MTREX: variants seen among roughly 807,000 people sequenced by gnomAD.
The protein encoded by MTREX is exosome RNA helicase MTR4.
In MTREX, 76 loss-of-function variants were observed where a neutral mutation model predicts 135.4. The ratio of observed to expected loss-of-function variants is 0.56; its 90% CI spans 0.47 to 0.68. MTREX has a LOEUF of 0.68. MTREX is among the 30% of genes least tolerant of loss of function. MTREX has a pLI of 0.00. For synonymous variants in MTREX, 404 were observed against 401.6 expected (o/e 1.01, Z -0.07); for missense variants, 920 against 1,262.1 (o/e 0.73, Z 4.11).
chr5:55,425,290 T>C lies in MTREX; in HGVS notation c.*518T>C. 2 of 1,610,186 alleles carry C rather than the reference T, an allele frequency of 1.2e-6. No homozygotes were observed. Among genetic ancestry groups the C allele is most frequent in the Non-Finnish European group, 1.7e-6 (2 of 1,176,666 alleles). On this transcript the variant is annotated 3_prime_UTR_variant, in exon 27 of 27. Coordinates refer to ENST00000230640, the MANE Select transcript of MTREX (RefSeq NM_015360.5). ...TATGAGAGTCCTCCTCTTTTCTTTC[T>C]TTAAAAGAAGTTCTTTCTTTGAAGA...
Position 55,424,904 on chromosome 5 carries a change from T to G in MTREX, c.*132T>G. 2 of 679,128 alleles carry G rather than the reference T, an allele frequency of 2.9e-6. No individual in the cohort carries two copies. The highest frequency in any genetic ancestry group is 2.5e-6 in the Non-Finnish European group (1 of 400,592). 42.1% of individuals were successfully genotyped at this position (679,128 alleles called of 1,614,324 possible). Reference sequence around the variant, plus strand: ...TGTATTATATTTAAATCAAACATCATTCATAGAAAGCATATTACATACATG... The same window carrying G: ...TGTATTATATTTAAATCAAACATCAGTCATAGAAAGCATATTACATACATG... On this transcript the variant is annotated 3_prime_UTR_variant, in exon 27 of 27. Coordinates refer to ENST00000230640, the MANE Select transcript of MTREX (RefSeq NM_015360.5).
At chr5:55,412,693 G>C (rs974306788) in intron 23 of MTREX, among the ~76,000 whole-genome samples, 2 of 152,120 alleles carry the variant, frequency 1.3e-5, no homozygotes, top group East Asian at 3.8e-4. Flanking sequence ...ATACCTGGTG[G>C]GAGAACATTG....
chr5:55,391,280 AAAAT>A (rs927835347), intron 19 of MTREX, among the ~76,000 whole-genome samples: 5 of 152,006 alleles, frequency 3.3e-5, no homozygotes, highest in African/African-American at 7.3e-5. Flanking sequence ...TGTCTGTACA[AAAAT>A]AAATAAATAA....
At chr5:55,379,767 G>A (rs1234960458) in intron 18 of MTREX, among the ~76,000 whole-genome samples, 1 of 152,158 alleles carries the variant, frequency 6.6e-6, no homozygotes, top group Non-Finnish European at 1.5e-5. Context: ...GCTAAATACA[G>A]TGGTTTCATG....
chr5:55,326,892 C>A (rs1013431187), intron 3 of MTREX, among the ~76,000 whole-genome samples: 6 of 152,086 alleles, frequency 3.9e-5, no homozygotes, highest in African/African-American at 1.4e-4. Flanking sequence ...TGTTCCCTGC[C>A]CTGTGTCCAT....
intron 18 of MTREX, among the ~76,000 whole-genome samples, chr5:55,386,559 T>G (rs959940243): frequency 1.3e-5 from 2 of 152,164 alleles, no homozygotes; most frequent in African/African-American, 4.8e-5. Context: ...TAGTAACACT[T>G]GAGAATATTT....
intron 23 of MTREX, 140 bp downstream of exon 23, chr5:55,410,769 C>A: frequency 6.4e-6 from 3 of 466,308 alleles, no homozygotes; most frequent in South Asian, 9.6e-5. Context: ...AACTTTAACA[C>A]AAATGTACTA....
At chr5:55,375,261 G>A (rs1750276782) in intron 16 of MTREX, among the ~76,000 whole-genome samples, 1 of 152,174 alleles carries the variant, frequency 6.6e-6, no homozygotes, top group Non-Finnish European at 1.5e-5. Context: ...TATTAGGCAG[G>A]AATTTCCTCT....
chr5:55,339,196 T>C (rs1749603691), intron 5 of MTREX, among the ~76,000 whole-genome samples: 1 of 152,214 alleles, frequency 6.6e-6, no homozygotes, highest in South Asian at 2.1e-4. Context: ...ATGGTCATAC[T>C]TTCCTGTTTG....
intron 14 of MTREX, among the ~76,000 whole-genome samples, chr5:55,355,928 C>G (rs1268713496): frequency 1.3e-5 from 2 of 152,234 alleles, no homozygotes; most frequent in African/African-American, 2.4e-5. Flanking sequence ...ATAGAACACT[C>G]TTCAGCCAGC....
intron 26 of MTREX, chr5:55,424,492 C>A (rs1751115663): frequency 2.3e-6 from 1 of 441,288 alleles, no homozygotes; most frequent in Admixed American, 3.6e-5. Context: ...TCCTGGCCAG[C>A]CCCCATGGAG....
chr5:55,412,581 G>A (rs1239792394), intron 23 of MTREX, among the ~76,000 whole-genome samples: 2 of 152,342 alleles, frequency 1.3e-5, no homozygotes, highest in East Asian at 3.9e-4. Flanking sequence ...GATCACTGGG[G>A]AGATGGTGTT....
intron 24 of MTREX, among the ~76,000 whole-genome samples, 183 bp from the exon 25 acceptor site, chr5:55,415,787 T>C (rs977839100): frequency 4.6e-5 from 7 of 152,156 alleles, no homozygotes. Context: ...ATGGGAAAGA[T>C]TGGCCGTTTA....
At chr5:55,422,459 AG>A (rs930778235) in intron 25 of MTREX, among the ~76,000 whole-genome samples, 1 of 152,148 alleles carries the variant, frequency 6.6e-6, no homozygotes, top group African/African-American at 2.4e-5. Context: ...ATGCCTCACT[AG>A]GCCACACTCA....
At chr5:55,356,546 CAT>C (rs1204646836) in intron 14 of MTREX, 3 of 200,876 alleles carry the variant, frequency 1.5e-5, no homozygotes, top group East Asian at 2.4e-4. Context: ...GCAGTGTAGT[CAT>C]ATGAGCTCCA....
chr5:55,410,663 A>T, intron 23 of MTREX, 34 bp downstream of exon 23: 1 of 1,288,480 alleles, frequency 7.8e-7, no homozygotes, highest in Non-Finnish European at 1.1e-6. Flanking sequence ...CTTATTTATT[A>T]ATTCACACAT....
chr5:55,362,098 T>C (rs1366633538), intron 15 of MTREX, among the ~76,000 whole-genome samples: 1 of 147,968 alleles, frequency 6.8e-6, no homozygotes, highest in Non-Finnish European at 1.5e-5. Context: ...TTTTTTTTTT[T>C]TTTTTTTGTA....
At position 55,322,400 on chromosome 5, in the gene MTREX, G is replaced by T; in HGVS notation, c.208G>T (p.Gly70Cys). 6.2e-7 allele frequency: 1 copy of T among 1,608,888 alleles called. No individual in the cohort carries two copies. Among genetic ancestry groups the T allele is most frequent in the Non-Finnish European group, 8.5e-7 (1 of 1,177,246 alleles). The change falls in exon 2 of 27, where the codon GGT (glycine) becomes TGT (cysteine). Residue 70 changes from glycine to cysteine, a missense_variant. Gly to Cys is a radical substitution (Grantham distance 159, BLOSUM62 -3). This residue lies in a region of MTREX where 136 missense variants were observed against 126.7 expected (regional missense o/e 1.07). Transcript: ENST00000230640. Reference protein sequence around the residue: ...GKNKRDVDFEGTDEPIFGKKP... With the variant: ...GKNKRDVDFECTDEPIFGKKP... The stretch of plus-strand genomic sequence containing the variant: ...AAATAAGAGAGATGTAGATTTCGAA[G>T]GTACAGATGAACCCATTTTTGGAAA...
At position 55,321,104 on chromosome 5, in the gene MTREX, G is replaced by T. The variant is rs188999092; in HGVS notation, c.135-1223G>T. Among the ~76,000 whole-genome samples the T allele has an allele frequency of 2.8e-4, 43 of 152,238 alleles. No homozygotes were observed. In the East Asian group the frequency reaches 8.3e-3, roughly 29 times the overall value. On this transcript the variant is annotated intron_variant, in intron 1 of 26. Transcript: ENST00000230640. ...CATGTTAATATGTAGTGGTTTGACT[G>T]TTGCCATTTTAAAGTGAATTAATAA...
Sources: gnomAD v4.1 joint callset for allele counts (sites outside exome capture counted in the v4.1 genomes callset) on GRCh38, gnomAD v4.1.1 for gene constraint, gnomAD v4.1.1 regional missense constraint, MANE v1.5 for transcripts, NCBI Gene and HGNC (gene_info 2026-07-23, HGNC 2026-07-21) for gene names.